ITIH2: variants seen among roughly 807,000 people sequenced by gnomAD.
ITIH2 encodes the protein inter-alpha-trypsin inhibitor heavy chain 2.
Under a neutral mutation model 104.4 loss-of-function variants are expected in ITIH2, and 103 were observed. The observed-to-expected ratio is 0.99, with a 90% CI of 0.84 to 1.16. The LOEUF (loss-of-function observed/expected upper bound fraction) is 1.16. ITIH2 is among the 50% of genes most tolerant of loss of function. ITIH2 has a pLI of 0.00. For missense variants in ITIH2, 1,108 were observed against 1,162.4 expected, an observed-to-expected ratio of 0.95 and a Z score of 0.68; for synonymous variants, 436 against 435.4, an observed-to-expected ratio of 1.00 and a Z score of -0.02.
chr10:7,744,343 G>T (rs1040695518), intron 18 of ITIH2, 63 bp downstream of exon 18: 1 of 1,315,150 alleles, frequency 7.6e-7, no homozygotes, highest in Non-Finnish European at 1.1e-6. Flanking sequence ...AATAAATCCA[G>T]GCATCAGTGA....
rs754740337 is a variant in ITIH2 at position 7,730,139 on chromosome 10, A to G, written c.1461+6A>G. The G allele has an allele frequency of 6.3e-7, 1 of 1,579,980 alleles. No individual in the cohort carries two copies. The highest frequency in any genetic ancestry group is 1.9e-5 in the Admixed American group (1 of 52,874). ...ACACGTCTTCCCAGCTTAAGGTAAC[A>G]TTTTCTTCTGTTCTTTTTTTATTCT... On this transcript the variant is annotated splice_donor_region_variant and intron_variant, in intron 12 of 20. Transcript: ENST00000358415.
At chr10:7,749,051 G>A (rs1835210915) in intron 20 of ITIH2, 136 bp from the exon 21 acceptor site, 1 of 802,002 alleles carries the variant, frequency 1.2e-6, no homozygotes, top group African/African-American at 1.7e-5. Flanking sequence ...TTTTTCACAT[G>A]ACTTGGGGAG....
In ITIH2 at chr10:7,746,577, G is replaced by C. The variant is rs372738953; in HGVS notation, c.2582-16G>C. ...TATGATTACATGTCAATCAATGTCT[G>C]ATTCTGTTTTGCTAGGCCAGTTCAT... On this transcript the variant is annotated splice_polypyrimidine_tract_variant and intron_variant, in intron 19 of 20. Transcript: ENST00000358415. 1 of 1,518,166 alleles carries C rather than the reference G, an allele frequency of 6.6e-7. No homozygotes were observed. Among genetic ancestry groups the C allele is most frequent in the Non-Finnish European group, 9.1e-7 (1 of 1,093,438 alleles). 94.0% of individuals were successfully genotyped at this position (1,518,166 alleles called of 1,614,324 possible). A position where few individuals can be genotyped will look rare whatever the true frequency, so the allele number is the denominator to read the frequency against.
chr10:7,729,796 G>A, intron 11 of ITIH2, 156 bp from the exon 12 acceptor site: 1 of 530,794 alleles, frequency 1.9e-6, no homozygotes, highest in East Asian at 3.0e-5. Flanking sequence ...ATGTACGAGT[G>A]CATCTCTAAG....
chr10:7,727,013 G>C lies in ITIH2; in HGVS notation c.1048G>C (p.Asp350His), dbSNP rs755605147. ...AGCAGAAGACCATTTCTCTGTGATT[G>C]ATTTCAACCAGAACATTCGAACTTG... The part of the protein sequence containing the change: ...LRAEDHFSVI[D>H]FNQNIRTWRN... The change falls in exon 10 of 21, where the codon GAT becomes CAT. Residue 350 changes from aspartate to histidine, a missense_variant. Physicochemically the swap from Asp to His is moderately conservative, Grantham distance 81. Coordinates refer to ENST00000358415, the MANE Select transcript of ITIH2 (RefSeq NM_002216.3). 1 of 1,613,980 alleles carries C rather than the reference G, an allele frequency of 6.2e-7. No individual in the cohort carries two copies. Among genetic ancestry groups the C allele is most frequent in the Admixed American group, 1.7e-5 (1 of 60,024 alleles).
At chr10:7,740,846 AG>A (rs1039357431) in intron 16 of ITIH2, among the ~76,000 whole-genome samples, 4 of 152,210 alleles carry the variant, frequency 2.6e-5, no homozygotes, top group Admixed American at 2.6e-4. Context: ...ATCACTGACC[AG>A]TGTTCTGCCC....
At chr10:7,712,916 C>A (rs1373470867) in intron 4 of ITIH2, among the ~76,000 whole-genome samples, 1 of 152,118 alleles carries the variant, frequency 6.6e-6, no homozygotes, top group African/African-American at 2.4e-5. Flanking sequence ...GTCAGGAGAT[C>A]GAGACCATCC....
At chr10:7,748,247 C>CAT (rs71385668) in intron 20 of ITIH2, among the ~76,000 whole-genome samples, 86,288 of 142,722 alleles carry the variant, frequency 0.6, 26,521 homozygotes, top group East Asian at 0.68. Flanking sequence ...TATATGTATA[C>CAT]ATATATATAT....
At chr10:7,748,123 C>T (rs1835196914) in intron 20 of ITIH2, among the ~76,000 whole-genome samples, 1 of 151,116 alleles carries the variant, frequency 6.6e-6, no homozygotes, top group East Asian at 1.9e-4. Flanking sequence ...GTAGGATAAT[C>T]ACTTGAACCC....
chr10:7,709,590 G>A (rs945339492), intron 4 of ITIH2, among the ~76,000 whole-genome samples: 2 of 152,008 alleles, frequency 1.3e-5, no homozygotes, highest in African/African-American at 4.8e-5. Context: ...GAGAACCACA[G>A]ATTAAATCTA....
In ITIH2 at chr10:7,744,327, T is replaced by G. The variant is rs1554767056; in HGVS notation, c.2408+47T>G. ...CTTGGGCCTGTCCGTGACACACGAC[T>G]GCATAAATAAATCCAGGCATCAGTG... On this transcript the variant is annotated intron_variant, in intron 18 of 20. Coordinates refer to ENST00000358415, the MANE Select transcript of ITIH2 (RefSeq NM_002216.3). 13 of 1,418,886 alleles carry G rather than the reference T, an allele frequency of 9.2e-6. No individual in the cohort carries two copies. In the South Asian group the frequency reaches 1.6e-4, roughly 17 times the overall value. The allele number at this position is 1,418,886 out of a possible 1,614,324, so 87.9% of individuals were successfully genotyped here.
At chr10:7,744,315 G>T in intron 18 of ITIH2, 35 bp downstream of exon 18, 1 of 1,512,896 alleles carries the variant, frequency 6.6e-7, no homozygotes. Context: ...GGGCCTGTCC[G>T]TGACACACGA....
At chr10:7,719,934 G>T (rs1187368245) in intron 6 of ITIH2, among the ~76,000 whole-genome samples, 7 of 134,718 alleles carry the variant, frequency 5.2e-5, no homozygotes, top group South Asian at 2.5e-4. Context: ...AAGTGTGGGA[G>T]GGTGGGAGTG....
intron 4 of ITIH2, among the ~76,000 whole-genome samples, chr10:7,710,038 G>C (rs1834782444): frequency 6.6e-6 from 1 of 152,170 alleles, no homozygotes; most frequent in Non-Finnish European, 1.5e-5. Flanking sequence ...ATTTTTAGTA[G>C]AGACGGAGTT....
chr10:7,728,609 T>C (rs1035494456), intron 11 of ITIH2, among the ~76,000 whole-genome samples: 1 of 152,094 alleles, frequency 6.6e-6, no homozygotes, highest in Admixed American at 6.6e-5. Context: ...TTGCTCAGGC[T>C]GATCTCAAAA....
intron 10 of ITIH2, among the ~76,000 whole-genome samples, chr10:7,727,459 G>A (rs1834961032): frequency 6.6e-6 from 1 of 152,178 alleles, no homozygotes; most frequent in African/African-American, 2.4e-5. Flanking sequence ...CAAGCTAACA[G>A]TCTGTGCTTT....
rs113252611 is a variant in ITIH2, at chr10:7,723,369, T to C, written c.868-82T>C. The C allele has an allele frequency of 2.7e-4, 237 of 891,626 alleles. 1 individual carries two copies. The highest frequency in any genetic ancestry group is 2.1e-3 in the African/African-American group (128 of 61,112). 55.2% of individuals were successfully genotyped at this position (891,626 alleles called of 1,614,324 possible). A position where few individuals can be genotyped will look rare whatever the true frequency, so the allele number is the denominator to read the frequency against. ...CTCCTCCTCCCTGTAGACCCCTCTC[T>C]TCTCTGAGTCCCCAGGTCCCCATCT... is the stretch of plus-strand genomic sequence containing the variant. On this transcript the variant is annotated intron_variant, in intron 8 of 20. Transcript: ENST00000358415.
chr10:7,714,165 ATTTTTTT>A (rs996413668), intron 5 of ITIH2, among the ~76,000 whole-genome samples: 7 of 84,030 alleles, frequency 8.3e-5, no homozygotes, highest in East Asian at 3.2e-4. Context: ...CACACTCACT[ATTTTTTT>A]TTTTTTTTTT....
At chr10:7,720,101 G>T (rs1348426761) in intron 6 of ITIH2, among the ~76,000 whole-genome samples, 2 of 54,532 alleles carry the variant, frequency 3.7e-5, no homozygotes, top group Non-Finnish European at 3.6e-5. Context: ...CTTGGGAGAA[G>T]TGTGGGAGGG....
Sources: allele counts gnomAD v4.1 joint callset (sites outside exome capture counted in the v4.1 genomes callset), GRCh38; gene constraint gnomAD v4.1.1; transcripts MANE v1.5; gene names NCBI Gene and HGNC (gene_info 2026-07-23, HGNC 2026-07-21).